Variants in PIK3C3 observed in about 807,000 individuals in gnomAD.
PIK3C3 encodes the protein PI3-kinase type 3.
In PIK3C3, 95 loss-of-function variants were observed where a neutral mutation model predicts 126.1. The observed-to-expected ratio is 0.75, with a 90% CI of 0.64 to 0.89. The LOEUF is 0.89. PIK3C3 is among the 40% of genes least tolerant of loss of function. The probability of loss-of-function intolerance (pLI) is 0.00; values close to 1 mark genes in which losing one functional copy is unlikely to be tolerated. For missense variants in PIK3C3, 829 were observed against 1,063.2 expected (o/e 0.78, Z 3.06); for synonymous variants, 374 against 360.0 (o/e 1.04, Z -0.44).
Position 42,015,976 on chromosome 18 carries a change from C to T in PIK3C3, c.1416+410C>T, listed in dbSNP as rs1222941631. 2.0e-5 allele frequency among the ~76,000 whole-genome samples: 3 copies of T among 152,080 alleles called. No individual in the cohort carries two copies. The East Asian group carries it at 5.8e-4, about 29-fold the overall frequency. ...CTTTTTAACTATACATATAAGTAGACACATTTTTGAGATAAAACAGGCCTG... is the reference window on the plus strand; with the variant it reads ...CTTTTTAACTATACATATAAGTAGATACATTTTTGAGATAAAACAGGCCTG... On this transcript the variant is annotated intron_variant, in intron 12 of 24. Transcript: ENST00000262039.
intron 24 of PIK3C3, among the ~76,000 whole-genome samples, chr18:42,078,855 G>A (rs1986133261): frequency 6.6e-6 from 1 of 152,136 alleles, no homozygotes; most frequent in Non-Finnish European, 1.5e-5. Flanking sequence ...CTTCTCTTCT[G>A]CAACTTCCTC....
intron 21 of PIK3C3, among the ~76,000 whole-genome samples, chr18:42,057,065 C>CCAG (rs34551238): frequency 0.17 from 23,628 of 142,480 alleles, 2,127 homozygotes; most frequent in East Asian, 0.31. Context: ...TGAACCCCCC[C>CCAG]CCCCGTGTTG....
chr18:41,963,090 TA>T (rs530673835), intron 3 of PIK3C3, among the ~76,000 whole-genome samples: 91 of 150,338 alleles, frequency 6.1e-4, no homozygotes, highest in African/African-American at 2.0e-3. Context: ...TGTTAATTGT[TA>T]AAAAAAAAAT....
intron 15 of PIK3C3, among the ~76,000 whole-genome samples, chr18:42,032,931 T>C (rs1804287441): frequency 6.6e-6 from 1 of 152,152 alleles, no homozygotes; most frequent in Admixed American, 6.5e-5. Flanking sequence ...ACTATTTTTT[T>C]CTGAACTTCT....
chr18:42,078,270 G>A (rs930323122), intron 24 of PIK3C3, among the ~76,000 whole-genome samples: 9 of 151,054 alleles, frequency 6.0e-5, no homozygotes, highest in African/African-American at 1.7e-4. Flanking sequence ...CCAGCTACTC[G>A]GGAGGCTGAG....
chr18:41,961,594 G>A (rs978836347), intron 2 of PIK3C3, among the ~76,000 whole-genome samples: 3 of 151,900 alleles, frequency 2.0e-5, no homozygotes, highest in African/African-American at 7.3e-5. Context: ...ACATAGACTA[G>A]GATATGTCCC....
chr18:41,994,855 G>T (rs1981951310), intron 7 of PIK3C3, among the ~76,000 whole-genome samples: 1 of 151,916 alleles, frequency 6.6e-6, no homozygotes, highest in Non-Finnish European at 1.5e-5. Flanking sequence ...CAGGGAAACT[G>T]AGGGAGACCC....
intron 24 of PIK3C3, among the ~76,000 whole-genome samples, chr18:42,078,097 G>T (rs1176103911): frequency 6.6e-6 from 1 of 152,114 alleles, no homozygotes; most frequent in Non-Finnish European, 1.5e-5. Flanking sequence ...CAGTAAACCG[G>T]CCGGGCGCGG....
In PIK3C3 at chr18:42,040,744, A is replaced by T; in HGVS notation, c.2103+3A>T. 1 of 1,576,214 alleles carries T rather than the reference A, an allele frequency of 6.3e-7. No individual in the cohort carries two copies. The highest frequency in any genetic ancestry group is 1.7e-4 in the Middle Eastern group (1 of 5,976). ...TTGATACAGAGGGAAGCATTCAGGT[A>T]TGGTATCAATAAAGATTATGCAATT... is the stretch of plus-strand genomic sequence containing the variant. On this transcript the variant is annotated splice_donor_region_variant and intron_variant, in intron 19 of 24. Coordinates refer to ENST00000262039, the MANE Select transcript of PIK3C3 (RefSeq NM_002647.4).
Position 42,040,800 on chromosome 18 carries a change from G to C in PIK3C3, c.2103+59G>C, listed in dbSNP as rs1426214172. ...ATATATTCTTGTCATAAAAAATTCA[G>C]TCTTTATAACATAGAGTTAAAAATG... On this transcript the variant is annotated intron_variant, in intron 19 of 24. Transcript: ENST00000262039. 3.5e-6 allele frequency: 4 copies of C among 1,146,908 alleles called. No individual in the cohort carries two copies. In the East Asian group the frequency reaches 9.5e-5, roughly 27 times the overall value. 71.0% of individuals were successfully genotyped at this position (1,146,908 alleles called of 1,614,324 possible). A position where few individuals can be genotyped will look rare whatever the true frequency, so the allele number is the denominator to read the frequency against.
At chr18:42,001,754 T>C (rs1483204809) in intron 9 of PIK3C3, among the ~76,000 whole-genome samples, 2 of 152,176 alleles carry the variant, frequency 1.3e-5, no homozygotes, top group African/African-American at 2.4e-5. Context: ...AGTTATTGAA[T>C]TGAGTACATC....
At chr18:41,999,786 G>A (rs964486289) in intron 9 of PIK3C3, among the ~76,000 whole-genome samples, 1 of 152,156 alleles carries the variant, frequency 6.6e-6, no homozygotes, top group Non-Finnish European at 1.5e-5. Flanking sequence ...TGTGACATGA[G>A]GAAGGTTTCA....
chr18:42,051,442 A>G (rs1437663230), intron 21 of PIK3C3: 1 of 152,032 alleles, frequency 6.6e-6, no homozygotes, highest in Admixed American at 6.6e-5. Context: ...AATTGTGATA[A>G]TAATAATTTA....
intron 5 of PIK3C3, among the ~76,000 whole-genome samples, chr18:41,989,097 G>GT (rs940641666): frequency 5.3e-5 from 8 of 151,110 alleles, no homozygotes; most frequent in East Asian, 1.9e-4. Flanking sequence ...TTTTTTGTTT[G>GT]TTTTTTTTGG....
At chr18:42,061,345 G>C (rs769944858) in intron 22 of PIK3C3, among the ~76,000 whole-genome samples, 19 of 152,180 alleles carry the variant, frequency 1.2e-4, no homozygotes, top group Non-Finnish European at 2.4e-4. Flanking sequence ...CACCTCGGGA[G>C]GTCGAGGCAG....
intron 17 of PIK3C3, 92 bp downstream of exon 17, chr18:42,037,912 G>T: frequency 8.3e-7 from 1 of 1,201,418 alleles, no homozygotes; most frequent in Non-Finnish European, 1.2e-6. Context: ...AGAAGTATTT[G>T]TAACATTCAG....
At chr18:42,064,401 T>G (rs1985447877) in intron 22 of PIK3C3, among the ~76,000 whole-genome samples, 1 of 152,128 alleles carries the variant, frequency 6.6e-6, no homozygotes, top group Non-Finnish European at 1.5e-5. Context: ...ATTTTAATTG[T>G]TATAAAATGT....
chr18:42,050,689 G>A (rs961684635), intron 21 of PIK3C3: 2 of 152,182 alleles, frequency 1.3e-5, no homozygotes, highest in Non-Finnish European at 2.9e-5. Context: ...GTTACCCACT[G>A]TCTTCATTTT....
intron 10 of PIK3C3, among the ~76,000 whole-genome samples, chr18:42,007,877 G>A (rs926116496): frequency 6.6e-6 from 1 of 152,030 alleles, no homozygotes; most frequent in Non-Finnish European, 1.5e-5. Context: ...GCTCATTGTG[G>A]GTACGCTTTT....
Sources: allele counts gnomAD v4.1 joint callset (sites outside exome capture counted in the v4.1 genomes callset), GRCh38; gene constraint gnomAD v4.1.1; transcripts MANE v1.5; gene names NCBI Gene and HGNC (gene_info 2026-07-23, HGNC 2026-07-21).